The following ZNF385D variants were observed in gnomAD, a reference collection of about 807,000 sequenced individuals.
ZNF385D encodes zinc finger protein 659.
A neutral mutation model predicts 35.8 loss-of-function variants in ZNF385D; 15 were observed. The observed-to-expected ratio is 0.42, with a 90% CI of 0.28 to 0.64. The LOEUF (loss-of-function observed/expected upper bound fraction) is 0.64, where lower values mean the gene tolerates loss of function less well. Ranked by LOEUF, ZNF385D falls within the 30% of genes least tolerant of loss-of-function variation. ZNF385D has a pLI of 0.23. For missense variants in ZNF385D, 474 were observed against 494.6 expected (o/e 0.96, Z 0.39); for synonymous variants, 212 against 186.8 (o/e 1.13, Z -1.10).
At chr3:21,626,272 T>C (rs2065131346) in intron 2 of ZNF385D, among the ~76,000 whole-genome samples, 1 of 151,998 alleles carries the variant, frequency 6.6e-6, no homozygotes, top group African/African-American at 2.4e-5. Context: ...CATGACAGAA[T>C]GAGGAAGAAA....
intron 2 of ZNF385D, among the ~76,000 whole-genome samples, chr3:22,357,998 C>T (rs534390984): frequency 6.6e-6 from 1 of 151,866 alleles, no homozygotes; most frequent in Non-Finnish European, 1.5e-5. Context: ...TCCCAGTTAC[C>T]TTTGAGCTCC....
At chr3:21,706,984 G>A (rs914801822) in intron 1 of ZNF385D, among the ~76,000 whole-genome samples, 5 of 152,052 alleles carry the variant, frequency 3.3e-5, no homozygotes, top group African/African-American at 4.8e-5. Flanking sequence ...ATACATCTAC[G>A]GGAACAATTT....
chr3:22,178,596 A>C (rs936740479), intron 2 of ZNF385D, among the ~76,000 whole-genome samples: 2 of 151,910 alleles, frequency 1.3e-5, no homozygotes, highest in African/African-American at 4.8e-5. Context: ...ATTAGATCCC[A>C]TTTGTCAGTT....
At chr3:22,017,409 TTG>T (rs1190293599) in intron 3 of ZNF385D, among the ~76,000 whole-genome samples, 1 of 152,052 alleles carries the variant, frequency 6.6e-6, no homozygotes, top group Non-Finnish European at 1.5e-5. Flanking sequence ...TGTCAAATTT[TTG>T]TGTGTTGTCT....
intron 3 of ZNF385D, among the ~76,000 whole-genome samples, chr3:22,076,784 G>A (rs1240282225): frequency 6.6e-6 from 1 of 151,618 alleles, no homozygotes; most frequent in East Asian, 1.9e-4. Flanking sequence ...AAAATATAGT[G>A]ACTTATTCTT....
chr3:21,806,306 G>A (rs1003353170), intron 3 of ZNF385D, among the ~76,000 whole-genome samples: 7 of 151,168 alleles, frequency 4.6e-5, no homozygotes, highest in East Asian at 3.9e-4. Context: ...ATGGGTTCAC[G>A]CCATTCTACT....
chr3:22,178,075 T>C (rs1394695241), intron 2 of ZNF385D, among the ~76,000 whole-genome samples: 2 of 152,230 alleles, frequency 1.3e-5, no homozygotes, highest in Non-Finnish European at 2.9e-5. Flanking sequence ...AGCAGCATGA[T>C]ATATAATTCT....
chr3:22,252,537 C>G (rs992084766), intron 2 of ZNF385D, among the ~76,000 whole-genome samples: 1 of 151,968 alleles, frequency 6.6e-6, no homozygotes, highest in African/African-American at 2.4e-5. Context: ...CTACTACTGT[C>G]AAAGAAAATT....
chr3:21,814,498 G>T (rs558539128), intron 3 of ZNF385D, among the ~76,000 whole-genome samples: 1 of 152,170 alleles, frequency 6.6e-6, no homozygotes, highest in African/African-American at 2.4e-5. Flanking sequence ...GATCTACCAA[G>T]CAAATGGAAA....
intron 1 of ZNF385D, among the ~76,000 whole-genome samples, chr3:21,733,948 T>C (rs1182335793): frequency 6.6e-6 from 1 of 152,210 alleles, no homozygotes; most frequent in African/African-American, 2.4e-5. Context: ...TTCATATTTG[T>C]CTATTATTCA....
chr3:21,726,013 C>T (rs2068749667), intron 1 of ZNF385D, among the ~76,000 whole-genome samples: 1 of 152,146 alleles, frequency 6.6e-6, no homozygotes, highest in African/African-American at 2.4e-5. Context: ...GGAGGCAAGG[C>T]TGGTTCAACA....
chr3:21,750,903 A>T lies in ZNF385D; in HGVS notation c.14T>A (p.Met5Lys). The T allele has an allele frequency of 6.2e-7, 1 of 1,614,096 alleles. No individual in the cohort carries two copies. ...TCAGAGTGAACACTCACCAAAATAC[A>T]TTATGTTTCTCATTAATCAGACAGC... MRNI[M>K]YFGGTCQSPA... The change falls in exon 1 of 8, where the codon ATG (methionine) becomes AAG (lysine). Residue 5 changes from methionine (M) to lysine (K), a missense_variant. Physicochemically the swap from Met to Lys is moderately conservative, Grantham distance 95 (BLOSUM62 -1). Coordinates refer to ENST00000281523, the MANE Select transcript of ZNF385D (RefSeq NM_024697.3).
At chr3:21,994,764 G>C (rs1418803936) in intron 3 of ZNF385D, among the ~76,000 whole-genome samples, 3 of 152,080 alleles carry the variant, frequency 2.0e-5, no homozygotes, top group Non-Finnish European at 2.9e-5. Flanking sequence ...TTTTTGGATG[G>C]GCATGGTAGT....
chr3:21,557,524 G>A (rs546332016), intron 3 of ZNF385D, among the ~76,000 whole-genome samples: 84 of 152,168 alleles, frequency 5.5e-4, no homozygotes, highest in African/African-American at 2.0e-3. Context: ...TGACTTGATC[G>A]TGGTGGATAA....
intron 3 of ZNF385D, among the ~76,000 whole-genome samples, chr3:22,123,396 G>C (rs991034507): frequency 2.6e-5 from 4 of 152,052 alleles, no homozygotes; most frequent in African/African-American, 9.7e-5. Flanking sequence ...ATATTGATGA[G>C]GTAAGTGTAT....
At chr3:22,028,575 TC>T (rs1394836590) in intron 3 of ZNF385D, among the ~76,000 whole-genome samples, 1 of 152,184 alleles carries the variant, frequency 6.6e-6, no homozygotes, top group African/African-American at 2.4e-5. Context: ...TAGAGGTTTG[TC>T]CTCACTGGAG....
intron 2 of ZNF385D, among the ~76,000 whole-genome samples, chr3:22,346,087 T>C (rs1194304202): frequency 6.6e-6 from 1 of 152,118 alleles, no homozygotes; most frequent in East Asian, 1.9e-4. Flanking sequence ...GAGCTGAAAA[T>C]GGAAATTGAA....
intron 2 of ZNF385D, among the ~76,000 whole-genome samples, chr3:22,362,527 T>C (rs1253103314): frequency 6.6e-6 from 1 of 152,120 alleles, no homozygotes; most frequent in Non-Finnish European, 1.5e-5. Context: ...AATTGAGATG[T>C]GTCTACTTTA....
chr3:22,255,385 A>T (rs1305538505), intron 2 of ZNF385D, among the ~76,000 whole-genome samples: 1 of 151,650 alleles, frequency 6.6e-6, no homozygotes, highest in African/African-American at 2.4e-5. Flanking sequence ...TTCTAAGCAT[A>T]TTTTATCCTA....
Sources: gnomAD v4.1 joint callset for allele counts (sites outside exome capture counted in the v4.1 genomes callset) on GRCh38, gnomAD v4.1.1 for gene constraint, MANE v1.5 for transcripts, NCBI Gene and HGNC (gene_info 2026-07-23, HGNC 2026-07-21) for gene names.